Variants in GABRA4 observed in about 807,000 individuals in gnomAD.
GABRA4 encodes the protein gamma-aminobutyric acid type A receptor subunit alpha4.
Under a neutral mutation model 49.7 loss-of-function variants are expected in GABRA4, and 12 were observed. That is an observed-to-expected ratio of 0.24 (90% CI 0.15 to 0.39). The LOEUF is 0.39. Ranked by LOEUF, GABRA4 falls within the 10% of genes least tolerant of loss-of-function variation. The pLI is 1.00. For missense variants in GABRA4, 506 were observed against 686.0 expected (o/e 0.74, Z 2.93); for synonymous variants, 288 against 240.2 (o/e 1.20, Z -1.84).
At chr4:46,929,916 T>G (rs765553786) in intron 8 of GABRA4, among the ~76,000 whole-genome samples, 12 of 152,054 alleles carry the variant, frequency 7.9e-5, no homozygotes, top group Admixed American at 1.3e-4. Flanking sequence ...CAAAGGGCAA[T>G]TCACAGATAC....
intron 8 of GABRA4, among the ~76,000 whole-genome samples, chr4:46,963,149 T>C (rs956413765): frequency 4.0e-5 from 6 of 151,730 alleles, no homozygotes; most frequent in African/African-American, 9.7e-5. Context: ...ATCAACAAAG[T>C]GAAGTGACAA....
intron 8 of GABRA4, among the ~76,000 whole-genome samples, chr4:46,942,273 C>T (rs1721829048): frequency 6.6e-6 from 1 of 152,102 alleles, no homozygotes; most frequent in African/African-American, 2.4e-5. Context: ...CTACCACTAC[C>T]AGTCTGGGGA....
rs755973551 is a variant in GABRA4 at position 46,993,359 on chromosome 4, G to A, written c.66C>T (p.Arg22=). 1.2e-6 allele frequency: 2 copies of A among 1,614,116 alleles called. No individual in the cohort carries two copies. Among genetic ancestry groups the A allele is most frequent in the African/African-American group, 2.7e-5 (2 of 74,954 alleles). The change falls in exon 1 of 9, where the codon CGC becomes CGT. Residue 22 remains arginine, a synonymous_variant. Coordinates refer to ENST00000264318, the MANE Select transcript of GABRA4 (RefSeq NM_000809.4). ...LSAGVSFALL[R]FLCLAVCLNE... The stretch of plus-strand genomic sequence containing the variant: ...CTCACCAAACCGCCAGGCACAGGAA[G>A]CGCAGGAGGGCGAAACTGACCCCGG...
intron 6 of GABRA4, 25 bp downstream of exon 6, chr4:46,974,207 C>T (rs754649813): frequency 6.3e-6 from 10 of 1,589,526 alleles, no homozygotes; most frequent in African/African-American, 1.3e-5. Flanking sequence ...AGTAGCATGT[C>T]GGCTTTAATC....
At chr4:46,982,336 T>C (rs1723383644) in intron 2 of GABRA4, among the ~76,000 whole-genome samples, 1 of 151,992 alleles carries the variant, frequency 6.6e-6, no homozygotes, top group African/African-American at 2.4e-5. Flanking sequence ...CGGGCCCTAA[T>C]CTAATATCAC....
chr4:46,971,271 TCTGC>T lies in GABRA4; in HGVS notation c.722-40_722-37del, dbSNP rs777749844. On this transcript the variant is annotated intron_variant, in intron 6 of 8. Transcript: ENST00000264318. ...AACAGGAGGAAAATGTGTTATCGGT[TCTGC>T]AGGCAATTAGTCAATGGCTTCATAA... 1.9e-6 allele frequency: 3 copies of T among 1,597,408 alleles called. No individual in the cohort carries two copies. The Admixed American group carries it at 5.1e-5, about 27-fold the overall frequency.
At chr4:46,942,258 A>G (rs1174108955) in intron 8 of GABRA4, among the ~76,000 whole-genome samples, 2 of 152,132 alleles carry the variant, frequency 1.3e-5, no homozygotes, top group Non-Finnish European at 2.9e-5. Flanking sequence ...TCCAGCAGCT[A>G]TTATCTACCA....
Position 46,965,246 on chromosome 4 carries a change from C to A in GABRA4, c.875-17G>T. 7.1e-7 allele frequency: 1 copy of A among 1,412,020 alleles called. No individual in the cohort carries two copies. Among genetic ancestry groups the A allele is most frequent in the Non-Finnish European group, 9.3e-7 (1 of 1,074,308 alleles). 87.5% of individuals were successfully genotyped at this position (1,412,020 alleles called of 1,614,324 possible). On this transcript the variant is annotated splice_polypyrimidine_tract_variant and intron_variant, in intron 7 of 8. Transcript: ENST00000264318. ...TTGTTATTCCTTCAAAGCAAAAGAG[C>A]AGAGAGACAAAACACCTTACCATCA...
In GABRA4 at chr4:46,979,064, G is replaced by T. The variant is rs768564354; in HGVS notation, c.240C>A (p.Val80=). The T allele has an allele frequency of 1.2e-6, 2 of 1,611,114 alleles. No homozygotes were observed. The highest frequency in any genetic ancestry group is 1.7e-6 in the Non-Finnish European group (2 of 1,177,998). ...PVTEVKTDIY[V]TSFGPVSDVE... ...CATCAGAAACAGGTCCAAAGCTGGTGACATATATGTCAGTTTTCACTTCTG... is the reference window on the plus strand; with the variant it reads ...CATCAGAAACAGGTCCAAAGCTGGTTACATATATGTCAGTTTTCACTTCTG... The change falls in exon 3 of 9, where the codon GTC becomes GTA. Residue 80 remains valine, a synonymous_variant. Transcript: ENST00000264318.
At position 46,922,268 on chromosome 4, in the gene GABRA4, T is replaced by C. The variant is rs1222261091; in HGVS notation, c.*5957A>G. 6.6e-6 allele frequency: 1 copy of C among 152,036 alleles called. No individual in the cohort carries two copies. The highest frequency in any genetic ancestry group is 1.5e-5 in the Non-Finnish European group (1 of 67,992). 9.4% of individuals were successfully genotyped at this position (152,036 alleles called of 1,614,324 possible). ...AGGCCGCCCAAATGTCAAAAATAGA[T>C]ATAAAAATATGGTGCCTGGGCAGAA... On this transcript the variant is annotated 3_prime_UTR_variant, in exon 9 of 9. Transcript: ENST00000264318.
intron 8 of GABRA4, among the ~76,000 whole-genome samples, chr4:46,964,004 C>T (rs1722665988): frequency 6.6e-6 from 1 of 151,838 alleles, no homozygotes; most frequent in African/African-American, 2.4e-5. Context: ...GATTTGGAAG[C>T]AACCTAAGTG....
rs766796222 is a variant in GABRA4, at chr4:46,928,192, A to G, written c.*33T>C. ...ATTTAAAAAGACATTCTGCATTTTC[A>G]TCATCTTTTAGCAAACTACTATAGC... On this transcript the variant is annotated 3_prime_UTR_variant, in exon 9 of 9. Transcript: ENST00000264318. 2 of 1,496,664 alleles carry G rather than the reference A, an allele frequency of 1.3e-6. No homozygotes were observed. The highest frequency in any genetic ancestry group is 1.8e-6 in the Non-Finnish European group (2 of 1,110,300). 92.7% of individuals were successfully genotyped at this position (1,496,664 alleles called of 1,614,324 possible).
At chr4:46,992,412 T>C (rs1723788624) in intron 2 of GABRA4, among the ~76,000 whole-genome samples, 1 of 152,194 alleles carries the variant, frequency 6.6e-6, no homozygotes, top group African/African-American at 2.4e-5. Flanking sequence ...GGTTTTGGCA[T>C]AGGCATGGAC....
chr4:46,933,567 C>T (rs959953533), intron 8 of GABRA4, among the ~76,000 whole-genome samples: 1 of 152,146 alleles, frequency 6.6e-6, no homozygotes, highest in African/African-American at 2.4e-5. Flanking sequence ...AGTTATGTCT[C>T]AAGTTTTACT....
chr4:46,979,077 G>C lies in GABRA4; in HGVS notation c.227C>G (p.Thr76Ser). ...TCCAAAGCTGGTGACATATATGTCA[G>C]TTTTCACTTCTGTAACAGGACCTAA... ...GFGGPVTEVKTDIYVTSFGPV... is the reference protein window; with the variant it reads ...GFGGPVTEVKSDIYVTSFGPV... The change falls in exon 3 of 9, where the codon ACT becomes AGT. Residue 76 changes from threonine to serine, a missense_variant. By Grantham distance (58) the Thr-to-Ser change is moderately conservative (BLOSUM62 1). Around this residue, in one of 5 missense-constraint regions of GABRA4, gnomAD observed 195 missense variants for 326.0 expected, o/e 0.60. Transcript: ENST00000264318. 1 of 1,609,322 alleles carries C rather than the reference G, an allele frequency of 6.2e-7. No individual in the cohort carries two copies. Among genetic ancestry groups the C allele is most frequent in the Non-Finnish European group, 8.5e-7 (1 of 1,176,324 alleles).
chr4:46,957,684 C>T (rs1722414809), intron 8 of GABRA4, among the ~76,000 whole-genome samples: 1 of 151,954 alleles, frequency 6.6e-6, no homozygotes, highest in East Asian at 1.9e-4. Flanking sequence ...CCATCTATCT[C>T]AGCCTCCATT....
At chr4:46,941,764 TG>T (rs1721805790) in intron 8 of GABRA4, among the ~76,000 whole-genome samples, 1 of 152,124 alleles carries the variant, frequency 6.6e-6, no homozygotes, top group African/African-American at 2.4e-5. Context: ...TCAGCATTCT[TG>T]GAGCAACACT....
In GABRA4 at chr4:46,977,052, A is replaced by T; in HGVS notation, c.577+9T>A. 1 of 1,570,128 alleles carries T rather than the reference A, an allele frequency of 6.4e-7. No individual in the cohort carries two copies. The highest frequency in any genetic ancestry group is 8.7e-7 in the Non-Finnish European group (1 of 1,143,670). On this transcript the variant is annotated intron_variant, in intron 5 of 8. Transcript: ENST00000264318. The stretch of plus-strand genomic sequence containing the variant: ...CATAAATTCTAGCAAAATTTTTATT[A>T]TAACTTACAACTCCCGAATTTCAAA...
In GABRA4 at chr4:46,985,859, G is replaced by A. The variant is rs1017847365; in HGVS notation, c.206-6761C>T. Among the ~76,000 whole-genome samples, 6 of 151,364 alleles carry A rather than the reference G, an allele frequency of 4.0e-5. No individual in the cohort carries two copies. In the East Asian group the frequency reaches 5.8e-4, roughly 15 times the overall value. On this transcript the variant is annotated intron_variant, in intron 2 of 8. Coordinates refer to ENST00000264318, the MANE Select transcript of GABRA4 (RefSeq NM_000809.4). The stretch of plus-strand genomic sequence containing the variant: ...AAACTTCTCTTGTTTTCTAAAAGAC[G>A]TATTTCTTTCAGCTATGCCTTCCCA...
Sources: allele counts gnomAD v4.1 joint callset (sites outside exome capture counted in the v4.1 genomes callset), GRCh38; gene constraint gnomAD v4.1.1; regional missense constraint gnomAD v4.1.1; transcripts MANE v1.5; gene names NCBI Gene and HGNC (gene_info 2026-07-23, HGNC 2026-07-21).